The following SPAG16 variants were observed in gnomAD, a reference collection of about 807,000 sequenced individuals.
SPAG16 encodes the protein sperm associated antigen 16.
A neutral mutation model predicts 80.4 loss-of-function variants in SPAG16; 86 were observed. The ratio of observed to expected loss-of-function variants is 1.07; its 90% CI spans 0.90 to 1.28. SPAG16 has a LOEUF of 1.28. SPAG16 is among the 50% of genes most tolerant of loss of function. The probability of loss-of-function intolerance (pLI) is 0.00; values close to 1 mark genes in which losing one functional copy is unlikely to be tolerated. For synonymous variants in SPAG16, 294 were observed against 265.9 expected, an observed-to-expected ratio of 1.11 and a Z score of -1.03; for missense variants, 870 against 765.3, an observed-to-expected ratio of 1.14 and a Z score of -1.61.
chr2:214,341,135 C>A (rs549910912), intron 15 of SPAG16, among the ~76,000 whole-genome samples: 1 of 152,114 alleles, frequency 6.6e-6, no homozygotes, highest in East Asian at 1.9e-4. Context: ...AAGAAAGAAC[C>A]GTCCTAGGTG....
At chr2:213,540,029 A>ATTTTTTTTTT (rs58117443) in intron 10 of SPAG16, among the ~76,000 whole-genome samples, 13 of 110,814 alleles carry the variant, frequency 1.2e-4, no homozygotes, top group Non-Finnish European at 1.8e-4. Flanking sequence ...ATATTTCTTA[A>ATTTTTTTTTT]TTTTTTTTTT....
chr2:214,322,118 T>C (rs1168832064), intron 15 of SPAG16, among the ~76,000 whole-genome samples: 1 of 152,236 alleles, frequency 6.6e-6, no homozygotes, highest in Non-Finnish European at 1.5e-5. Flanking sequence ...TTTCTATCCA[T>C]GCTGTTAGCA....
At chr2:214,141,689 T>C (rs1179263294) in intron 14 of SPAG16, among the ~76,000 whole-genome samples, 2 of 152,192 alleles carry the variant, frequency 1.3e-5, no homozygotes, top group Non-Finnish European at 2.9e-5. Context: ...TGAGGTTTTT[T>C]CCCCCGGTAC....
At chr2:213,458,944 T>G (rs2072199698) in intron 9 of SPAG16, among the ~76,000 whole-genome samples, 2 of 152,218 alleles carry the variant, frequency 1.3e-5, no homozygotes, top group East Asian at 1.9e-4. Context: ...TGAATTTATG[T>G]GTTGATGTCA....
intron 10 of SPAG16, among the ~76,000 whole-genome samples, chr2:213,691,221 T>C (rs1381352658): frequency 6.6e-6 from 1 of 152,154 alleles, no homozygotes; most frequent in Non-Finnish European, 1.5e-5. Context: ...TCAATAAACC[T>C]TGTGTAACCC....
At chr2:213,720,595 G>T (rs1045656566) in intron 10 of SPAG16, among the ~76,000 whole-genome samples, 1 of 151,306 alleles carries the variant, frequency 6.6e-6, no homozygotes. Context: ...TGGAGATCGC[G>T]CCACTGCACT....
At chr2:213,445,378 A>G (rs2071229057) in intron 9 of SPAG16, among the ~76,000 whole-genome samples, 1 of 152,228 alleles carries the variant, frequency 6.6e-6, no homozygotes, top group African/African-American at 2.4e-5. Context: ...ACCAACAGAT[A>G]TAGCTGGGCG....
At chr2:213,396,864 T>C (rs2068064523) in intron 9 of SPAG16, among the ~76,000 whole-genome samples, 1 of 152,168 alleles carries the variant, frequency 6.6e-6, no homozygotes, top group South Asian at 2.1e-4. Flanking sequence ...TAATCATTTA[T>C]CCCAGAACTC....
At chr2:213,756,802 C>A (rs2068363188) in intron 10 of SPAG16, among the ~76,000 whole-genome samples, 1 of 151,862 alleles carries the variant, frequency 6.6e-6, no homozygotes, top group Non-Finnish European at 1.5e-5. Context: ...AAAGCTTTGA[C>A]ACTGAAATTA....
At chr2:214,250,755 T>TAGAGAGAG (rs1192976006) in intron 15 of SPAG16, among the ~76,000 whole-genome samples, 1,235 of 96,570 alleles carry the variant, frequency 0.013, 16 homozygotes, top group Non-Finnish European at 0.018. Flanking sequence ...TATATATATA[T>TAGAGAGAG]ATAGAGAGAG....
chr2:213,425,960 ATTTT>A, intron 9 of SPAG16, among the ~76,000 whole-genome samples: 1 of 152,262 alleles, frequency 6.6e-6, no homozygotes, highest in Admixed American at 6.5e-5. Flanking sequence ...GCCAGGAAGC[ATTTT>A]CTCATTCCAT....
chr2:213,298,180 A>G (rs981652713), intron 3 of SPAG16, among the ~76,000 whole-genome samples: 1 of 152,152 alleles, frequency 6.6e-6, no homozygotes. Context: ...TAAAAGCTCT[A>G]GAGGAAGATT....
At position 213,363,351 on chromosome 2, in the gene SPAG16, G is replaced by A. The variant is rs1277794059; in HGVS notation, c.763-725G>A. On this transcript the variant is annotated intron_variant, in intron 7 of 15. Coordinates refer to ENST00000331683, the MANE Select transcript of SPAG16 (RefSeq NM_024532.5). ...CTTTTTTTTAACCTAGGCATTTCAT[G>A]AGCACTCATCTATAGGTTATAATTA... is the stretch of plus-strand genomic sequence containing the variant. Among the ~76,000 whole-genome samples, 4 of 151,558 alleles carry A rather than the reference G, an allele frequency of 2.6e-5. No individual in the cohort carries two copies. In the East Asian group the frequency reaches 7.7e-4, roughly 29 times the overall value.
At chr2:213,587,156 C>G (rs2060501528) in intron 10 of SPAG16, among the ~76,000 whole-genome samples, 1 of 152,194 alleles carries the variant, frequency 6.6e-6, no homozygotes, top group African/African-American at 2.4e-5. Flanking sequence ...TGGAATGTCT[C>G]TGTGGAGACT....
At chr2:213,507,904 G>C (rs899012539) in intron 10 of SPAG16, among the ~76,000 whole-genome samples, 1 of 152,168 alleles carries the variant, frequency 6.6e-6, no homozygotes, top group African/African-American at 2.4e-5. Flanking sequence ...AATCAATAGT[G>C]TATGGTAAGA....
At chr2:213,971,827 C>T (rs909654058) in intron 12 of SPAG16, among the ~76,000 whole-genome samples, 39 of 151,572 alleles carry the variant, frequency 2.6e-4, no homozygotes, top group African/African-American at 9.4e-4. Context: ...ATGAGGATTC[C>T]ACTTTCTCCA....
chr2:213,899,874 A>C (rs923374716), intron 11 of SPAG16, among the ~76,000 whole-genome samples: 1 of 152,124 alleles, frequency 6.6e-6, no homozygotes, highest in Non-Finnish European at 1.5e-5. Flanking sequence ...TTATTTAAAA[A>C]ATATTGACCT....
rs117602562 is a variant in SPAG16, at chr2:214,048,460, A to G, written c.1527+34383A>G. Among the ~76,000 whole-genome samples, 157 of 152,288 alleles carry G rather than the reference A, an allele frequency of 1.0e-3. 1 individual carries two copies. The East Asian group carries it at 0.029, about 28-fold the overall frequency. ...TTAAGTGAAGTATGCCAGGCACACAAAGACAAACTGCATGTTCTCACTTAC... is the reference window on the plus strand; with the variant it reads ...TTAAGTGAAGTATGCCAGGCACACAGAGACAAACTGCATGTTCTCACTTAC... On this transcript the variant is annotated intron_variant, in intron 13 of 15. Coordinates refer to ENST00000331683, the MANE Select transcript of SPAG16 (RefSeq NM_024532.5).
At chr2:213,599,255 CT>C (rs1409458790) in intron 10 of SPAG16, among the ~76,000 whole-genome samples, 1 of 152,178 alleles carries the variant, frequency 6.6e-6, no homozygotes, top group Non-Finnish European at 1.5e-5. Context: ...GAATTATATG[CT>C]GCTTCTTGCT....
Sources: gnomAD v4.1 joint callset for allele counts (sites outside exome capture counted in the v4.1 genomes callset) on GRCh38, gnomAD v4.1.1 for gene constraint, MANE v1.5 for transcripts, NCBI Gene and HGNC (gene_info 2026-07-23, HGNC 2026-07-21) for gene names.